Variants in EIF2AK2 observed in about 807,000 individuals in gnomAD.
EIF2AK2 encodes the protein interferon-induced, double-stranded RNA-activated protein kinase.
EIF2AK2 carries 40 observed loss-of-function variants against 70.5 expected under a neutral mutation model. That is an observed-to-expected ratio of 0.57 (90% CI 0.44 to 0.74). EIF2AK2 has a LOEUF of 0.74. Among genes scored for constraint, EIF2AK2 ranks in the 30% least tolerant of loss-of-function variants. The pLI, the probability that EIF2AK2 is intolerant of heterozygous loss-of-function variation, is 0.00. For missense variants in EIF2AK2, 555 were observed against 644.3 expected (o/e 0.86, Z 1.50); for synonymous variants, 198 against 220.9 (o/e 0.90, Z 0.92).
intron 11 of EIF2AK2, among the ~76,000 whole-genome samples, chr2:37,124,049 C>A (rs1477963738): frequency 6.6e-6 from 1 of 151,286 alleles, no homozygotes; most frequent in East Asian, 1.9e-4. Context: ...CTCACTGCAA[C>A]CTCCACCCCT....
rs1320346759 is a variant in EIF2AK2, at chr2:37,099,444, G to A, written c.*7829C>T. 1 of 152,158 alleles carries A rather than the reference G, an allele frequency of 6.6e-6. No homozygotes were observed. The highest frequency in any genetic ancestry group is 2.4e-5 in the African/African-American group (1 of 41,440). The allele number at this position is 152,158 out of a possible 1,614,324, so 9.4% of individuals were successfully genotyped here. A position where few individuals can be genotyped will look rare whatever the true frequency, so the allele number is the denominator to read the frequency against. ...GAAATTAGCAGTATAATGAAGAAAA[G>A]TGCTGTGTAGGAATGACTGAGCTCT... On this transcript the variant is annotated 3_prime_UTR_variant, in exon 17 of 17. Coordinates refer to ENST00000233057, the MANE Select transcript of EIF2AK2 (RefSeq NM_001135651.3).
chr2:37,134,091 C>T (rs1231098335), intron 10 of EIF2AK2, among the ~76,000 whole-genome samples: 1 of 152,124 alleles, frequency 6.6e-6, no homozygotes, highest in African/African-American at 2.4e-5. Context: ...TCCCTTCCTA[C>T]ACCCCTTCAT....
intron 14 of EIF2AK2, among the ~76,000 whole-genome samples, chr2:37,110,755 C>T (rs755688346): frequency 6.6e-6 from 1 of 151,710 alleles, no homozygotes; most frequent in Non-Finnish European, 1.5e-5. Context: ...ATAAACAACC[C>T]AAAAGGTAAA....
At chr2:37,129,450 A>G (rs1674865346) in intron 10 of EIF2AK2, among the ~76,000 whole-genome samples, 1 of 152,136 alleles carries the variant, frequency 6.6e-6, no homozygotes, top group African/African-American at 2.4e-5. Context: ...GAAGCCCCCC[A>G]AACATTACAG....
At chr2:37,124,557 C>A (rs1558415918) in intron 11 of EIF2AK2, among the ~76,000 whole-genome samples, 2 of 152,080 alleles carry the variant, frequency 1.3e-5, no homozygotes, top group Non-Finnish European at 2.9e-5. Context: ...CCATGCCTGG[C>A]CCAGCCAGTC....
intron 13 of EIF2AK2, among the ~76,000 whole-genome samples, chr2:37,119,565 A>T (rs1187623898): frequency 6.6e-6 from 1 of 151,686 alleles, no homozygotes; most frequent in East Asian, 1.9e-4. Flanking sequence ...AGAAAAAAAT[A>T]TATATCTATC....
intron 1 of EIF2AK2, among the ~76,000 whole-genome samples, chr2:37,151,065 G>A (rs943893282): frequency 6.6e-6 from 1 of 152,128 alleles, no homozygotes; most frequent in African/African-American, 2.4e-5. Flanking sequence ...ATGACAGCAA[G>A]AGCACAAGCA....
intron 10 of EIF2AK2, among the ~76,000 whole-genome samples, chr2:37,135,211 G>A (rs1238819637): frequency 1.3e-5 from 2 of 152,098 alleles, no homozygotes; most frequent in Non-Finnish European, 2.9e-5. Context: ...AGTAAGAAAC[G>A]CTGATGAAAA....
chr2:37,149,134 T>C (rs2307468), intron 1 of EIF2AK2, 111 bp from the exon 2 acceptor site: 5 of 923,680 alleles, frequency 5.4e-6, no homozygotes, highest in African/African-American at 3.2e-5. Context: ...CTGATTTTTA[T>C]TGGGATGGAC....
At chr2:37,153,319 C>T (rs1487080864) in intron 1 of EIF2AK2, among the ~76,000 whole-genome samples, 1 of 146,112 alleles carries the variant, frequency 6.8e-6, no homozygotes. Flanking sequence ...TTTCCCAGTC[C>T]TTTCAGTCTC....
chr2:37,099,462 T>C lies in EIF2AK2; in HGVS notation c.*7811A>G, dbSNP rs1673771194. Reference sequence around the variant, plus strand: ...AAGAAAAGTGCTGTGTAGGAATGACTGAGCTCTAAGACAAACTGGTAAGAA... The same window carrying C: ...AAGAAAAGTGCTGTGTAGGAATGACCGAGCTCTAAGACAAACTGGTAAGAA... On this transcript the variant is annotated 3_prime_UTR_variant, in exon 17 of 17. Transcript: ENST00000233057. The C allele has an allele frequency of 6.6e-6, 1 of 152,204 alleles. No homozygotes were observed. The highest frequency in any genetic ancestry group is 1.5e-5 in the Non-Finnish European group (1 of 68,040). 9.4% of individuals were successfully genotyped at this position (152,204 alleles called of 1,614,324 possible).
intron 12 of EIF2AK2, among the ~76,000 whole-genome samples, chr2:37,121,617 ATTTTTTT>A (rs34031780): frequency 2.5e-4 from 30 of 122,146 alleles, no homozygotes; most frequent in South Asian, 8.0e-4. Flanking sequence ...TGGAGGCTTG[ATTTTTTT>A]TTTTTTTTTT....
At chr2:37,156,848 G>T (rs1675948111) in intron 1 of EIF2AK2, 60 bp downstream of exon 1, 2 of 156,316 alleles carry the variant, frequency 1.3e-5, no homozygotes, top group Admixed American at 6.5e-5. Flanking sequence ...GCAGCCCCTC[G>T]TACGTGGCCC....
At position 37,110,014 on chromosome 2, in the gene EIF2AK2, A is replaced by G. The variant is rs561839860; in HGVS notation, c.1378-719T>C. 2.2e-4 allele frequency among the ~76,000 whole-genome samples: 34 copies of G among 152,288 alleles called. No individual in the cohort carries two copies. The East Asian group carries it at 6.4e-3, about 29-fold the overall frequency. The stretch of plus-strand genomic sequence containing the variant: ...AGAGGTGTATGCATTTGTCAAAACG[A>G]AAAAATATACACTTAAGATCTGTGC... On this transcript the variant is annotated intron_variant, in intron 14 of 16. Transcript: ENST00000233057.
At chr2:37,119,585 TTATATA>T (rs945229224) in intron 13 of EIF2AK2, among the ~76,000 whole-genome samples, 3 of 150,780 alleles carry the variant, frequency 2.0e-5, no homozygotes, top group African/African-American at 7.3e-5. Flanking sequence ...CTATCTTATT[TTATATA>T]TATATATAAT....
chr2:37,122,750 C>T lies in EIF2AK2; in HGVS notation c.909-86G>A, dbSNP rs535706059. On this transcript the variant is annotated intron_variant, in intron 11 of 16. Coordinates refer to ENST00000233057, the MANE Select transcript of EIF2AK2 (RefSeq NM_001135651.3). ...AACACCTCATGTAATAGACAACTGT[C>T]TACATTCCCTTATTAAACCATTGCT... 21 of 1,510,654 alleles carry T rather than the reference C, an allele frequency of 1.4e-5. No individual in the cohort carries two copies. In the South Asian group the frequency reaches 2.2e-4, roughly 16 times the overall value. The allele number at this position is 1,510,654 out of a possible 1,614,324, so 93.6% of individuals were successfully genotyped here.
intron 8 of EIF2AK2, 48 bp downstream of exon 8, chr2:37,138,222 G>C: frequency 7.1e-7 from 1 of 1,402,882 alleles, no homozygotes; most frequent in Non-Finnish European, 9.8e-7. Context: ...ATGAGGAAAC[G>C]CACAGAAAAA....
intron 10 of EIF2AK2, among the ~76,000 whole-genome samples, chr2:37,131,675 C>T (rs1558419927): frequency 1.3e-5 from 2 of 152,060 alleles, no homozygotes; most frequent in Non-Finnish European, 2.9e-5. Context: ...ACCTTACTTC[C>T]ACTCACATAA....
At chr2:37,112,577 AT>A in intron 14 of EIF2AK2, among the ~76,000 whole-genome samples, 1 of 152,342 alleles carries the variant, frequency 6.6e-6, no homozygotes, top group Admixed American at 6.5e-5. Context: ...TTGAAGAATA[AT>A]GTGGCAGGTC....
Sources: gnomAD v4.1 joint callset for allele counts (sites outside exome capture counted in the v4.1 genomes callset) on GRCh38, gnomAD v4.1.1 for gene constraint, MANE v1.5 for transcripts, NCBI Gene and HGNC (gene_info 2026-07-23, HGNC 2026-07-21) for gene names.